The following PTPRR variants were observed in gnomAD, a reference collection of about 807,000 sequenced individuals.
PTPRR encodes protein tyrosine phosphatase receptor type R, also known as receptor-type tyrosine-protein phosphatase R.
In PTPRR, 38 loss-of-function variants were observed where a neutral mutation model predicts 77.2. The ratio of observed to expected loss-of-function variants is 0.49; its 90% CI spans 0.38 to 0.65. PTPRR has a LOEUF of 0.65. Among genes scored for constraint, PTPRR ranks in the 30% least tolerant of loss-of-function variants. The pLI, the probability that PTPRR is intolerant of heterozygous loss-of-function variation, is 0.00. For missense variants in PTPRR, 744 were observed against 799.2 expected (o/e 0.93, Z 0.83); for synonymous variants, 299 against 283.1 (o/e 1.06, Z -0.57).
intron 2 of PTPRR, among the ~76,000 whole-genome samples, chr12:70,778,999 C>A (rs908363589): frequency 5.3e-5 from 8 of 152,130 alleles, no homozygotes; most frequent in Non-Finnish European, 8.8e-5. Flanking sequence ...GCATGCACCA[C>A]CACACCCAGC....
At chr12:70,719,838 CTTTG>C (rs912197822) in intron 6 of PTPRR, among the ~76,000 whole-genome samples, 40 of 152,314 alleles carry the variant, frequency 2.6e-4, no homozygotes, top group African/African-American at 9.4e-4. Context: ...GTGGCCCTTT[CTTTG>C]TTTATCTGAT....
intron 2 of PTPRR, among the ~76,000 whole-genome samples, chr12:70,856,283 T>C (rs946172885): frequency 1.5e-4 from 23 of 152,150 alleles, no homozygotes; most frequent in Non-Finnish European, 2.8e-4. Flanking sequence ...ACAATGGTAC[T>C]GGCTACAGTG....
At chr12:70,799,810 CACAA>C (rs1891581682) in intron 2 of PTPRR, among the ~76,000 whole-genome samples, 2 of 152,224 alleles carry the variant, frequency 1.3e-5, no homozygotes, top group African/African-American at 2.4e-5. Flanking sequence ...TAATCCATGC[CACAA>C]ACACTTTGTC....
At chr12:70,828,564 G>C (rs984514768) in intron 2 of PTPRR, among the ~76,000 whole-genome samples, 1 of 152,148 alleles carries the variant, frequency 6.6e-6, no homozygotes, top group African/African-American at 2.4e-5. Context: ...AGGCAGAGAG[G>C]TTACTCAGCT....
At position 70,731,229 on chromosome 12, in the gene PTPRR, A is replaced by C. The variant is rs1350355563; in HGVS notation, c.1007+14589T>G. On this transcript the variant is annotated intron_variant, in intron 6 of 13. Transcript: ENST00000283228. Reference sequence around the variant, plus strand: ...TGATGGAAAGTTAAACCATTGGTCAAGATTATAATGATTACCTGGATCAAA... The same window carrying C: ...TGATGGAAAGTTAAACCATTGGTCACGATTATAATGATTACCTGGATCAAA... Among the ~76,000 whole-genome samples, 5 of 152,332 alleles carry C rather than the reference A, an allele frequency of 3.3e-5. No homozygotes were observed. In the East Asian group the frequency reaches 9.6e-4, roughly 29 times the overall value.
In PTPRR at chr12:70,669,559, TAC is replaced by T. The variant is rs566522694; in HGVS notation, c.1498-6956_1498-6955del. ...ACACAAGCCATATATATATATGTTA[TAC>T]ACACACACACACACACACACACACA... On this transcript the variant is annotated intron_variant, in intron 10 of 13. Transcript: ENST00000283228. Among the ~76,000 whole-genome samples, 447 of 141,550 alleles carry T rather than the reference TAC, an allele frequency of 3.2e-3. 1 individual carries two copies. The highest frequency in any genetic ancestry group is 5.9e-3 in the East Asian group (29 of 4,902). 92.9% of individuals were successfully genotyped at this position (141,550 alleles called of 152,430 possible). A position where few individuals can be genotyped will look rare whatever the true frequency, so the allele number is the denominator to read the frequency against.
intron 8 of PTPRR, among the ~76,000 whole-genome samples, chr12:70,690,345 G>T (rs879173685): frequency 1.3e-5 from 2 of 152,196 alleles, no homozygotes; most frequent in Admixed American, 1.3e-4. Flanking sequence ...GCCTAGGGAG[G>T]CATTAATAGA....
chr12:70,702,016 G>T (rs1888445328), intron 6 of PTPRR, among the ~76,000 whole-genome samples: 1 of 151,884 alleles, frequency 6.6e-6, no homozygotes, highest in African/African-American at 2.4e-5. Flanking sequence ...AAAAAAGATG[G>T]CTTCTGTATC....
chr12:70,776,122 T>A (rs772676313), intron 2 of PTPRR, among the ~76,000 whole-genome samples: 8 of 152,152 alleles, frequency 5.3e-5, no homozygotes, highest in Non-Finnish European at 1.2e-4. Flanking sequence ...TTCTCCTTCT[T>A]CCTATCCACA....
chr12:70,770,887 A>G (rs1160335276), intron 2 of PTPRR, among the ~76,000 whole-genome samples: 1 of 151,692 alleles, frequency 6.6e-6, no homozygotes, highest in Non-Finnish European at 1.5e-5. Flanking sequence ...CATCATTCTC[A>G]GTAAACTATC....
intron 6 of PTPRR, among the ~76,000 whole-genome samples, chr12:70,714,144 T>C (rs1037030880): frequency 1.3e-5 from 2 of 152,120 alleles, no homozygotes; most frequent in African/African-American, 4.8e-5. Flanking sequence ...ATTATTCAAA[T>C]AATGTGGTTA....
chr12:70,883,800 A>G (rs1400448159), intron 2 of PTPRR, among the ~76,000 whole-genome samples: 1 of 152,234 alleles, frequency 6.6e-6, no homozygotes, highest in Non-Finnish European at 1.5e-5. Context: ...ATGAAAATCT[A>G]ATATTTGGCT....
chr12:70,650,453 AT>A, intron 13 of PTPRR, among the ~76,000 whole-genome samples: 1 of 89,206 alleles, frequency 1.1e-5, no homozygotes, highest in Middle Eastern at 5.2e-3. Context: ...ACAAAACAAA[AT>A]ATATATATAT....
chr12:70,846,524 A>C (rs575665341), intron 2 of PTPRR, among the ~76,000 whole-genome samples: 1 of 152,264 alleles, frequency 6.6e-6, no homozygotes, highest in East Asian at 1.9e-4. Context: ...GTCCTCTCAA[A>C]ATTCTTGTTG....
At chr12:70,676,051 A>C (rs2870866) in intron 10 of PTPRR, among the ~76,000 whole-genome samples, 9,467 of 151,872 alleles carry the variant, frequency 0.062, 460 homozygotes, top group Admixed American at 0.15. Context: ...TCAGTTTTGG[A>C]AAATCCCTAT....
chr12:70,676,745 G>A (rs1210225827), intron 10 of PTPRR, among the ~76,000 whole-genome samples: 4 of 151,528 alleles, frequency 2.6e-5, no homozygotes, highest in African/African-American at 9.7e-5. Flanking sequence ...TGGGCTCTAT[G>A]TTCCATATTC....
intron 2 of PTPRR, among the ~76,000 whole-genome samples, chr12:70,821,414 A>T (rs779856042): frequency 1.3e-5 from 2 of 150,536 alleles, no homozygotes; most frequent in African/African-American, 2.4e-5. Flanking sequence ...TTTAGTAGAG[A>T]TGAGGTTTAA....
intron 6 of PTPRR, among the ~76,000 whole-genome samples, chr12:70,729,201 TA>T (rs1315927947): frequency 6.6e-6 from 1 of 152,196 alleles, no homozygotes; most frequent in African/African-American, 2.4e-5. Context: ...CATTTAAACT[TA>T]AATGTATTTA....
At chr12:70,728,494 G>GTGTGTATATATATATA (rs1565669339) in intron 6 of PTPRR, among the ~76,000 whole-genome samples, 7 of 2,550 alleles carry the variant, frequency 2.7e-3, no homozygotes, top group African/African-American at 3.6e-3. Context: ...ATATATATAT[G>GTGTGTATATATATATA]TATGTATGTA....
Sources: gnomAD v4.1 joint callset for allele counts (sites outside exome capture counted in the v4.1 genomes callset) on GRCh38, gnomAD v4.1.1 for gene constraint, MANE v1.5 for transcripts, NCBI Gene and HGNC (gene_info 2026-07-23, HGNC 2026-07-21) for gene names.